Variants in NCKAP5 observed in about 807,000 individuals in gnomAD.
NCKAP5 encodes nck-associated protein 5.
In NCKAP5, 92 loss-of-function variants were observed where a neutral mutation model predicts 167.0. That is an observed-to-expected ratio of 0.55 (90% confidence interval 0.47 to 0.66). The LOEUF (loss-of-function observed/expected upper bound fraction) is 0.66, where lower values mean the gene tolerates loss of function less well. Among genes scored for constraint, NCKAP5 ranks in the 30% least tolerant of loss-of-function variants. The pLI is 0.00. For synonymous variants in NCKAP5, 891 were observed against 877.4 expected (o/e 1.02, Z -0.27); for missense variants, 2,378 against 2,315.0 (o/e 1.03, Z -0.56).
intron 6 of NCKAP5, among the ~76,000 whole-genome samples, chr2:133,077,327 C>T (rs996051460): frequency 6.6e-6 from 1 of 152,100 alleles, no homozygotes; most frequent in African/African-American, 2.4e-5. Context: ...GATTTAAAAA[C>T]GGATGCTTCT....
chr2:133,118,876 T>C (rs1490284520), intron 6 of NCKAP5: 1 of 152,094 alleles, frequency 6.6e-6, no homozygotes, highest in African/African-American at 2.4e-5. Flanking sequence ...GCAAAAGTGG[T>C]TTGAAAATGA....
chr2:133,663,197 C>T, the NCKAP5 span, among the ~76,000 whole-genome samples: 1 of 147,838 alleles, frequency 6.8e-6, no homozygotes, highest in South Asian at 2.2e-4. Context: ...ACCCGGGAAG[C>T]GGAGCTTGCA....
intron 7 of NCKAP5, among the ~76,000 whole-genome samples, chr2:132,988,964 T>C (rs1056480703): frequency 4.6e-5 from 7 of 152,342 alleles, no homozygotes; most frequent in Non-Finnish European, 7.3e-5. Context: ...TCGCAGAAGC[T>C]GTATCCATAG....
intron 7 of NCKAP5, among the ~76,000 whole-genome samples, chr2:132,965,424 T>C (rs2076630397): frequency 6.6e-6 from 1 of 152,190 alleles, no homozygotes; most frequent in Admixed American, 6.5e-5. Context: ...AGAAGTACCT[T>C]TACTTCTCTT....
At chr2:133,585,229 G>C in the NCKAP5 span, among the ~76,000 whole-genome samples, 2 of 152,130 alleles carry the variant, frequency 1.3e-5, no homozygotes, top group African/African-American at 4.8e-5. Context: ...TTTTAAAATG[G>C]GAAGAAATAA....
the NCKAP5 span, among the ~76,000 whole-genome samples, chr2:133,647,492 G>T: frequency 8.6e-6 from 1 of 116,508 alleles, no homozygotes; most frequent in Non-Finnish European, 1.8e-5. Context: ...GAAAGGAAAG[G>T]AAAGGAAAGG....
intron 6 of NCKAP5, among the ~76,000 whole-genome samples, chr2:133,065,279 G>T (rs1248102899): frequency 6.6e-6 from 1 of 152,170 alleles, no homozygotes; most frequent in Non-Finnish European, 1.5e-5. Flanking sequence ...AAAATTAAAA[G>T]CTCAAATGGT....
At chr2:133,488,504 C>T (rs545718928) in intron 3 of NCKAP5, among the ~76,000 whole-genome samples, 1 of 152,254 alleles carries the variant, frequency 6.6e-6, no homozygotes, top group African/African-American at 2.4e-5. Flanking sequence ...GCAACAAACG[C>T]ACATTTTTCC....
intron 5 of NCKAP5, among the ~76,000 whole-genome samples, chr2:133,162,686 T>A (rs1195873621): frequency 6.6e-6 from 1 of 152,306 alleles, no homozygotes; most frequent in East Asian, 1.9e-4. Context: ...ATTGTTTTTT[T>A]TTGTTTCTTT....
At chr2:133,109,554 T>C (rs1465325842) in intron 6 of NCKAP5, among the ~76,000 whole-genome samples, 1 of 152,180 alleles carries the variant, frequency 6.6e-6, no homozygotes, top group Non-Finnish European at 1.5e-5. Flanking sequence ...CATTGCTCTA[T>C]TTTATTTATA....
intron 4 of NCKAP5, among the ~76,000 whole-genome samples, chr2:133,220,761 G>A (rs917569063): frequency 1.3e-5 from 2 of 152,174 alleles, no homozygotes; most frequent in Non-Finnish European, 2.9e-5. Context: ...GGAGACCTCA[G>A]GCTGCAGGGT....
At chr2:133,587,021 T>G in the NCKAP5 span, among the ~76,000 whole-genome samples, 8 of 152,226 alleles carry the variant, frequency 5.3e-5, no homozygotes, top group Middle Eastern at 0.027. Context: ...TAGCAAAACT[T>G]GAATTCAGAG....
chr2:132,802,028 G>A (rs767810708), intron 11 of NCKAP5, among the ~76,000 whole-genome samples: 4 of 152,184 alleles, frequency 2.6e-5, no homozygotes, highest in Admixed American at 6.5e-5. Flanking sequence ...TCCACCTGCC[G>A]TAGACTCCCG....
chr2:133,354,681 A>T (rs1250310963), intron 3 of NCKAP5, among the ~76,000 whole-genome samples: 1 of 152,254 alleles, frequency 6.6e-6, no homozygotes, highest in Non-Finnish European at 1.5e-5. Flanking sequence ...TTATGAGGAT[A>T]GGTAAAATAT....
chr2:133,019,310 A>T (rs565427935), intron 6 of NCKAP5, among the ~76,000 whole-genome samples: 1 of 152,176 alleles, frequency 6.6e-6, no homozygotes, highest in African/African-American at 2.4e-5. Context: ...AGCGAAAATT[A>T]ATCAATAGGG....
chr2:133,218,930 A>G (rs1200032227), intron 4 of NCKAP5, among the ~76,000 whole-genome samples: 2 of 152,214 alleles, frequency 1.3e-5, no homozygotes, highest in Admixed American at 1.3e-4. Context: ...CATAGTTTTT[A>G]AAAAGGAAAA....
At chr2:133,607,580 T>C in the NCKAP5 span, among the ~76,000 whole-genome samples, 1 of 152,216 alleles carries the variant, frequency 6.6e-6, no homozygotes, top group Non-Finnish European at 1.5e-5. Context: ...AGAGACTCTT[T>C]GAAGAAGTTC....
At chr2:133,413,974 CATGA>C (rs1278038643) in intron 3 of NCKAP5, among the ~76,000 whole-genome samples, 2 of 152,206 alleles carry the variant, frequency 1.3e-5, no homozygotes, top group African/African-American at 4.8e-5. Flanking sequence ...AACACTACAT[CATGA>C]ATAAGAACAC....
intron 3 of NCKAP5, among the ~76,000 whole-genome samples, chr2:133,492,985 C>T (rs1489248580): frequency 1.3e-5 from 2 of 152,106 alleles, no homozygotes; most frequent in East Asian, 3.9e-4. Context: ...TATTTCTTTC[C>T]AAGATGAAGG....
Sources: allele counts gnomAD v4.1 joint callset (sites outside exome capture counted in the v4.1 genomes callset), GRCh38; gene constraint gnomAD v4.1.1; transcripts MANE v1.5; gene names NCBI Gene and HGNC (gene_info 2026-07-23, HGNC 2026-07-21).